The following OVOL2 variants were observed in gnomAD, a reference collection of about 807,000 sequenced individuals.
OVOL2 encodes the protein transcription factor Ovo-like 2.
Under a neutral mutation model 18.1 loss-of-function variants are expected in OVOL2, and 13 were observed. That is an observed-to-expected ratio of 0.72 (90% CI 0.47 to 1.14). OVOL2 has a LOEUF of 1.14. Among genes scored for constraint, OVOL2 ranks in the 50% most tolerant of loss-of-function variants. OVOL2 has a pLI of 0.00. For missense variants in OVOL2, 335 were observed against 383.0 expected, an observed-to-expected ratio of 0.87 and a Z score of 1.05; for synonymous variants, 166 against 162.7, an observed-to-expected ratio of 1.02 and a Z score of -0.16.
chr20:18,047,651 C>G (rs1220847833), intron 2 of OVOL2, among the ~76,000 whole-genome samples: 1 of 149,336 alleles, frequency 6.7e-6, no homozygotes, highest in Non-Finnish European at 1.5e-5. Context: ...GTCAGGAGTT[C>G]GAGACCAGCC....
chr20:18,042,085 G>A (rs1308229134), intron 2 of OVOL2, among the ~76,000 whole-genome samples: 1 of 151,782 alleles, frequency 6.6e-6, no homozygotes. Flanking sequence ...GCTAATTTTT[G>A]TATTTTCAGT....
At position 18,057,536 on chromosome 20, in the gene OVOL2, T is replaced by C. The variant is rs1358016131; in HGVS notation, c.99A>G (p.Pro33=). ...GGCCCGGCCCCCGCGCGCGCTCACC[T>C]GGGATGTAGGTGTCTGCCCTTTTCT... ...PDEKRADTYI[P]VGLGRLLHDP... is the part of the protein sequence containing the mutation. Residue 33 remains proline, a splice_region_variant and synonymous_variant, in exon 1 of 4, where the codon CCA becomes CCG. Coordinates refer to ENST00000278780, the MANE Select transcript of OVOL2 (RefSeq NM_021220.4). This position sits in a 1 kb window ranked among gnomAD's most constrained non-coding sequence, Gnocchi z 6.3. 6.5e-7 allele frequency: 1 copy of C among 1,535,478 alleles called. No homozygotes were observed. The highest frequency in any genetic ancestry group is 8.8e-7 in the Non-Finnish European group (1 of 1,136,486).
chr20:18,057,769 C>T lies in OVOL2; in HGVS notation c.-135G>A, dbSNP rs556190598. Reference sequence around the variant, plus strand: ...CCTCGCCTGCCCTCTTCCTCCACCCCCCGCCGCGGCGCGGCCCAGGCCTCT... The same window carrying T: ...CCTCGCCTGCCCTCTTCCTCCACCCTCCGCCGCGGCGCGGCCCAGGCCTCT... On this transcript the variant is annotated 5_prime_UTR_variant, in exon 1 of 4. Transcript: ENST00000278780. The surrounding 1 kb of genome is among the most constrained non-coding windows in gnomAD (Gnocchi z 6.3). The T allele has an allele frequency of 7.7e-5, 108 of 1,410,270 alleles. No homozygotes were observed. In the East Asian group the frequency reaches 2.6e-3, roughly 34 times the overall value. The allele number at this position is 1,410,270 out of a possible 1,614,324, so 87.4% of individuals were successfully genotyped here.
intron 3 of OVOL2, among the ~76,000 whole-genome samples, chr20:18,038,520 C>T (rs2036639897): frequency 6.6e-6 from 1 of 152,188 alleles, no homozygotes; most frequent in African/African-American, 2.4e-5. Context: ...CTCTGAGAAG[C>T]TGTCAGTCCC....
Position 18,056,757 on chromosome 20 carries a change from G to A in OVOL2, c.221C>T (p.Pro74Leu), listed in dbSNP as rs1295225392. ...GGGGGTTTCGCTCTCGGGGGCGTGC[G>A]GGGACGAGCTGCTCTCTGCTCCTCC... is the stretch of plus-strand genomic sequence containing the variant. ...EPGGAESSSS[P>L]HAPESETPEP... Residue 74 changes from proline (P) to leucine (L), a missense_variant, in exon 2 of 4, where the codon CCG becomes CTG. Physicochemically the swap from Pro to Leu is moderately conservative, Grantham distance 98. Transcript: ENST00000278780. This position sits in a 1 kb window ranked among gnomAD's most constrained non-coding sequence, Gnocchi z 4.2. The A allele has an allele frequency of 3.1e-5, 46 of 1,496,052 alleles. No individual in the cohort carries two copies. Among genetic ancestry groups the A allele is most frequent in the Non-Finnish European group, 3.9e-5 (44 of 1,130,216 alleles). 92.7% of individuals were successfully genotyped at this position (1,496,052 alleles called of 1,614,324 possible). A position where few individuals can be genotyped will look rare whatever the true frequency, so the allele number is the denominator to read the frequency against.
At chr20:18,049,607 G>A (rs1390044093) in intron 2 of OVOL2, among the ~76,000 whole-genome samples, 1 of 150,722 alleles carries the variant, frequency 6.6e-6, no homozygotes, top group Admixed American at 6.7e-5. Context: ...CTACATGGCA[G>A]AATGGAGAGC....
intron 3 of OVOL2, among the ~76,000 whole-genome samples, chr20:18,040,695 C>A (rs1163632881): frequency 6.6e-6 from 1 of 152,140 alleles, no homozygotes; most frequent in Non-Finnish European, 1.5e-5. Context: ...CTGGGGAGAA[C>A]CTGGATTCCC....
At chr20:18,044,293 A>C (rs1385732765) in intron 2 of OVOL2, among the ~76,000 whole-genome samples, 1 of 152,130 alleles carries the variant, frequency 6.6e-6, no homozygotes, top group East Asian at 1.9e-4. Context: ...CTCATTCCCA[A>C]GTTTCACTAT....
chr20:18,032,516 T>C (rs1173947006), intron 3 of OVOL2, among the ~76,000 whole-genome samples: 2 of 151,972 alleles, frequency 1.3e-5, no homozygotes, highest in Non-Finnish European at 2.9e-5. Context: ...TTATTATTAT[T>C]ATTATTTTGA....
At chr20:18,041,826 C>A (rs1490791051) in intron 2 of OVOL2, 103 bp from the exon 3 acceptor site, 1 of 1,029,026 alleles carries the variant, frequency 9.7e-7, no homozygotes, top group Admixed American at 3.1e-5. Flanking sequence ...GCCCTGTCTG[C>A]GGCTTCTGCC....
intron 3 of OVOL2, among the ~76,000 whole-genome samples, chr20:18,031,173 G>A (rs760844371): frequency 4.6e-5 from 7 of 152,204 alleles, no homozygotes; most frequent in African/African-American, 1.4e-4. Context: ...CAAGGCCACC[G>A]AAGAGCCAGG....
At chr20:18,055,843 C>T (rs192777360) in intron 2 of OVOL2, among the ~76,000 whole-genome samples, 1 of 152,336 alleles carries the variant, frequency 6.6e-6, no homozygotes, top group Non-Finnish European at 1.5e-5. Flanking sequence ...CCACCACCTC[C>T]TAGCTCCAGC....
At chr20:18,049,201 G>A (rs1307371813) in intron 2 of OVOL2, among the ~76,000 whole-genome samples, 2 of 152,126 alleles carry the variant, frequency 1.3e-5, no homozygotes, top group East Asian at 1.9e-4. Context: ...TAGAAAACAG[G>A]ACTCAGCGGC....
chr20:18,039,743 C>T (rs1259409089), intron 3 of OVOL2, among the ~76,000 whole-genome samples: 3 of 152,070 alleles, frequency 2.0e-5, no homozygotes, highest in Non-Finnish European at 2.9e-5. Context: ...AGGCAGCTCA[C>T]GGCCAGTCCT....
Position 18,026,091 on chromosome 20 carries a change from T to C in OVOL2, c.512-1139A>G, listed in dbSNP as rs115747327. On this transcript the variant is annotated intron_variant, in intron 3 of 3. Coordinates refer to ENST00000278780, the MANE Select transcript of OVOL2 (RefSeq NM_021220.4). Reference sequence around the variant, plus strand: ...GAACTGGGCTAACACTGGACCTGCCTTCTAGCTGAGATATCACAGGTACAA... The same window carrying C: ...GAACTGGGCTAACACTGGACCTGCCCTCTAGCTGAGATATCACAGGTACAA... 5.7e-3 allele frequency among the ~76,000 whole-genome samples: 863 copies of C among 152,358 alleles called. 8 individuals carry two copies. The highest frequency in any genetic ancestry group is 0.02 in the African/African-American group (829 of 41,590).
intron 2 of OVOL2, among the ~76,000 whole-genome samples, chr20:18,049,279 G>A (rs1220164981): frequency 1.3e-5 from 2 of 152,144 alleles, no homozygotes; most frequent in Admixed American, 6.5e-5. Context: ...CAGGGCCTTC[G>A]GCTGGCCCTC....
rs1277760033 is a variant in OVOL2 at position 18,056,015 on chromosome 20, GGGGTA to G, written c.321+637_321+641del. Among the ~76,000 whole-genome samples the G allele has an allele frequency of 6.6e-6, 1 of 152,212 alleles. No individual in the cohort carries two copies. The highest frequency in any genetic ancestry group is 1.5e-5 in the Non-Finnish European group (1 of 68,042). On this transcript the variant is annotated intron_variant, in intron 2 of 3. Coordinates refer to ENST00000278780, the MANE Select transcript of OVOL2 (RefSeq NM_021220.4). This position sits in a 1 kb window ranked among gnomAD's most constrained non-coding sequence, Gnocchi z 4.2. ...ATGGGAGGAAACACTCCAATCCACT[GGGGTA>G]GGGGCGCTCGAGAAATCTGTAGTTG... is the stretch of plus-strand genomic sequence containing the variant.
chr20:18,041,527 C>T lies in OVOL2; in HGVS notation c.511+7G>A, dbSNP rs1571431. The T allele has an allele frequency of 0.53, 845,466 of 1,604,544 alleles. 226,337 individuals carry two copies. The highest frequency in any genetic ancestry group is 0.77 in the African/African-American group (57,524 of 74,814). On this transcript the variant is annotated splice_region_variant and intron_variant, in intron 3 of 3. Transcript: ENST00000278780. Reference sequence around the variant, plus strand: ...AACAGAGAACAAAGCACGCACTCCCCGCTCACCTGTGTGTGTGCGGACGTG... The same window carrying T: ...AACAGAGAACAAAGCACGCACTCCCTGCTCACCTGTGTGTGTGCGGACGTG...
At chr20:18,029,572 C>T (rs1472196078) in intron 3 of OVOL2, among the ~76,000 whole-genome samples, 2 of 152,160 alleles carry the variant, frequency 1.3e-5, no homozygotes, top group African/African-American at 4.8e-5. Flanking sequence ...GCGTCCCTGT[C>T]TGTACTACTT....
Sources: allele counts gnomAD v4.1 joint callset (sites outside exome capture counted in the v4.1 genomes callset), GRCh38; gene constraint gnomAD v4.1.1; non-coding constraint Gnocchi (gnomAD v3.1); transcripts MANE v1.5; gene names NCBI Gene and HGNC (gene_info 2026-07-23, HGNC 2026-07-21).